Variants in DNAI2 observed in about 807,000 individuals in gnomAD.
The protein encoded by DNAI2 is dynein, axonemal, intermediate polypeptide 2.
Under a neutral mutation model 74.7 loss-of-function variants are expected in DNAI2, and 63 were observed. The observed-to-expected ratio is 0.84, with a 90% CI of 0.69 to 1.04. The LOEUF is 1.04. Among genes scored for constraint, DNAI2 ranks in the 50% least tolerant of loss-of-function variants. DNAI2 has a pLI of 0.00. For synonymous variants in DNAI2, 289 were observed against 314.9 expected (o/e 0.92, Z 0.87); for missense variants, 688 against 803.2 (o/e 0.86, Z 1.73).
rs1024677098 is a variant in DNAI2, at chr17:74,286,899, C to G, written c.346-78C>G. The stretch of plus-strand genomic sequence containing the variant: ...AAGCCCCTGGCTATGTCCTGTCCCT[C>G]CCAGACTCCATTGCAGGCCTGGGCA... On this transcript the variant is annotated intron_variant, in intron 3 of 13. Transcript: ENST00000311014. The G allele has an allele frequency of 7.5e-6, 12 of 1,601,464 alleles. No homozygotes were observed. The African/African-American group carries it at 8.0e-5, about 11-fold the overall frequency.
intron 8 of DNAI2, 127 bp downstream of exon 8, chr17:74,301,295 G>A: frequency 1.4e-6 from 2 of 1,390,944 alleles, no homozygotes; most frequent in Non-Finnish European, 2.0e-6. Context: ...CACCCTCACT[G>A]CAGCCATCCT....
chr17:74,299,726 G>C lies in DNAI2; in HGVS notation c.733G>C (p.Asp245His). 1.9e-6 allele frequency: 3 copies of C among 1,613,400 alleles called. No homozygotes were observed. The highest frequency in any genetic ancestry group is 2.5e-6 in the Non-Finnish European group (3 of 1,180,032). The change falls in exon 7 of 14, where the codon GAC (aspartate) becomes CAC (histidine). Residue 245 changes from aspartate to histidine, a missense_variant. Transcript: ENST00000311014. ...GCYNGQIACW[D>H]TRKGSLVAEL... ...ATCTCCTTCCTCACCAGCCTGCTGG[G>C]ACACCCGAAAGGGCAGCCTGGTGGC... is the stretch of plus-strand genomic sequence containing the variant.
At chr17:74,313,048 G>A (rs565514094) in intron 12 of DNAI2, among the ~76,000 whole-genome samples, 13 of 152,328 alleles carry the variant, frequency 8.5e-5, no homozygotes, top group South Asian at 4.1e-4. Context: ...GAGGGCCCTC[G>A]TTTAAAAAGT....
At chr17:74,284,463 A>T (rs1190418973) in intron 2 of DNAI2, among the ~76,000 whole-genome samples, 1 of 151,444 alleles carries the variant, frequency 6.6e-6, no homozygotes, top group Admixed American at 6.6e-5. Flanking sequence ...CCCAGGCTGG[A>T]GTGTAGTGCT....
chr17:74,307,163 G>A, intron 9 of DNAI2: 1 of 447,512 alleles, frequency 2.2e-6, no homozygotes, highest in Non-Finnish European at 4.5e-6. Flanking sequence ...CAGTAGATGT[G>A]AAGCCCTTTA....
intron 8 of DNAI2, among the ~76,000 whole-genome samples, chr17:74,302,578 CAAAG>C (rs1567866553): frequency 1.3e-5 from 2 of 151,112 alleles, no homozygotes; most frequent in Admixed American, 6.6e-5. Context: ...AAAAAAAAAA[CAAAG>C]AAAAGAAAAA....
At chr17:74,290,132 A>G (rs2051998729) in intron 5 of DNAI2, among the ~76,000 whole-genome samples, 1 of 152,224 alleles carries the variant, frequency 6.6e-6, no homozygotes, top group African/African-American at 2.4e-5. Flanking sequence ...CCTGGCTAAC[A>G]TGATAAAACC....
intron 6 of DNAI2, among the ~76,000 whole-genome samples, chr17:74,299,158 G>A (rs186532593): frequency 1.3e-5 from 2 of 152,108 alleles, no homozygotes; most frequent in African/African-American, 2.4e-5. Flanking sequence ...ATCTTTCTTG[G>A]CAAAGCACTA....
chr17:74,298,564 C>T (rs1345196747), intron 6 of DNAI2, among the ~76,000 whole-genome samples: 1 of 152,146 alleles, frequency 6.6e-6, no homozygotes, highest in African/African-American at 2.4e-5. Flanking sequence ...GCCTCAGCCT[C>T]CCAAAGTGCT....
At chr17:74,298,823 TA>T (rs2052594267) in intron 6 of DNAI2, among the ~76,000 whole-genome samples, 1 of 152,130 alleles carries the variant, frequency 6.6e-6, no homozygotes, top group Non-Finnish European at 1.5e-5. Flanking sequence ...GGGGTCTCAC[TA>T]TGTTGCCCAA....
At chr17:74,277,454 G>T (rs542425763) in intron 1 of DNAI2, among the ~76,000 whole-genome samples, 1 of 152,278 alleles carries the variant, frequency 6.6e-6, no homozygotes, top group East Asian at 1.9e-4. Flanking sequence ...TCTGGTTAAG[G>T]TTGAGTTGCT....
intron 11 of DNAI2, 32 bp downstream of exon 11, chr17:74,310,195 C>T: frequency 1.9e-6 from 3 of 1,609,712 alleles, no homozygotes; most frequent in South Asian, 1.1e-5. Context: ...AAAATCCCTC[C>T]AGCACGTCCC....
intron 4 of DNAI2, among the ~76,000 whole-genome samples, chr17:74,289,170 C>T (rs1426174024): frequency 6.6e-6 from 1 of 152,180 alleles, no homozygotes; most frequent in Non-Finnish European, 1.5e-5. Context: ...CTTCCTGTTG[C>T]CCTCCAGCCC....
intron 1 of DNAI2, among the ~76,000 whole-genome samples, chr17:74,276,240 T>C (rs1469980551): frequency 6.6e-6 from 1 of 152,194 alleles, no homozygotes; most frequent in Non-Finnish European, 1.5e-5. Context: ...AAGGTTCCCA[T>C]CTGACTGCCT....
At chr17:74,296,346 G>GAGAGAGA (rs371039062) in intron 6 of DNAI2, among the ~76,000 whole-genome samples, 4 of 83,216 alleles carry the variant, frequency 4.8e-5, no homozygotes, top group Non-Finnish European at 6.2e-5. Context: ...GAGAGAGAGA[G>GAGAGAGA]GAGAGAGAGA....
intron 10 of DNAI2, 137 bp from the exon 11 acceptor site, chr17:74,309,880 T>A: frequency 8.5e-7 from 1 of 1,173,976 alleles, no homozygotes; most frequent in Non-Finnish European, 1.3e-6. Context: ...GAGTTTGAAC[T>A]TCATCCTGTG....
intron 1 of DNAI2, 125 bp from the exon 2 acceptor site, chr17:74,281,682 T>G (rs753792011): frequency 4.6e-6 from 4 of 874,626 alleles, no homozygotes; most frequent in African/African-American, 1.7e-5. Context: ...TCCTAGGATC[T>G]CCCCACCACC....
intron 8 of DNAI2, among the ~76,000 whole-genome samples, chr17:74,303,845 G>A (rs2053006600): frequency 6.6e-6 from 1 of 152,042 alleles, no homozygotes; most frequent in Admixed American, 6.6e-5. Flanking sequence ...AAGCTGGGGG[G>A]CCAGGTGCAG....
At chr17:74,305,160 G>A (rs973531100) in intron 8 of DNAI2, 59 bp from the exon 9 acceptor site, 39 of 1,581,938 alleles carry the variant, frequency 2.5e-5, no homozygotes, top group Non-Finnish European at 2.8e-5. Flanking sequence ...GTCCATGCCC[G>A]CTAATCCCAG....
Sources: gnomAD v4.1 joint callset for allele counts (sites outside exome capture counted in the v4.1 genomes callset) on GRCh38, gnomAD v4.1.1 for gene constraint, MANE v1.5 for transcripts, NCBI Gene and HGNC (gene_info 2026-07-23, HGNC 2026-07-21) for gene names.